PARP8: variants seen among roughly 807,000 people sequenced by gnomAD.
PARP8 encodes the protein protein mono-ADP-ribosyltransferase PARP8.
Under a neutral mutation model 124.1 loss-of-function variants are expected in PARP8, and 51 were observed. The observed-to-expected ratio is 0.41, with a 90% CI of 0.33 to 0.52. PARP8 has a LOEUF of 0.52. Among genes scored for constraint, PARP8 ranks in the 20% least tolerant of loss-of-function variants. PARP8 has a pLI of 0.21. For synonymous variants in PARP8, 391 were observed against 361.5 expected, an observed-to-expected ratio of 1.08 and a Z score of -0.93; for missense variants, 860 against 1,018.9, an observed-to-expected ratio of 0.84 and a Z score of 2.12.
intron 2 of PARP8, among the ~76,000 whole-genome samples, chr5:50,682,436 T>TA (rs1751395007): frequency 6.7e-6 from 1 of 149,362 alleles, no homozygotes; most frequent in South Asian, 2.1e-4. Context: ...AATCACTTAA[T>TA]ATTTTCAGTT....
intron 14 of PARP8, among the ~76,000 whole-genome samples, chr5:50,812,775 G>A (rs553091271): frequency 6.6e-6 from 1 of 152,142 alleles, no homozygotes; most frequent in Non-Finnish European, 1.5e-5. Context: ...TTTGTATAAG[G>A]TGTAAGGAAG....
chr5:50,804,442 A>G (rs1743593508), intron 14 of PARP8, among the ~76,000 whole-genome samples: 1 of 152,108 alleles, frequency 6.6e-6, no homozygotes, highest in South Asian at 2.1e-4. Context: ...CCCTTTTCCC[A>G]TTTGCCCCAA....
chr5:50,752,520 C>T (rs371945142), intron 3 of PARP8, among the ~76,000 whole-genome samples: 3 of 151,894 alleles, frequency 2.0e-5, no homozygotes, highest in Non-Finnish European at 2.9e-5. Flanking sequence ...GTATTTGGTC[C>T]GTAATTGTAA....
intron 3 of PARP8, chr5:50,757,234 A>G: frequency 2.2e-6 from 1 of 453,318 alleles, no homozygotes. Context: ...GAAGAAATAG[A>G]TAAATTCCTA....
intron 2 of PARP8, among the ~76,000 whole-genome samples, chr5:50,728,048 C>T (rs774558769): frequency 2.0e-5 from 3 of 152,058 alleles, no homozygotes; most frequent in Non-Finnish European, 4.4e-5. Context: ...GTGTGAGTTC[C>T]AACTACTAAT....
intron 3 of PARP8, among the ~76,000 whole-genome samples, chr5:50,751,188 G>C (rs1005803102): frequency 2.6e-5 from 4 of 152,090 alleles, no homozygotes; most frequent in Non-Finnish European, 5.9e-5. Context: ...CAGGATGTAT[G>C]GTAGAAGATG....
chr5:50,795,973 G>A (rs958075162), intron 12 of PARP8, among the ~76,000 whole-genome samples: 1 of 152,142 alleles, frequency 6.6e-6, no homozygotes, highest in African/African-American at 2.4e-5. Context: ...TTATGCTGTA[G>A]CCGTTTTTGG....
intron 14 of PARP8, among the ~76,000 whole-genome samples, chr5:50,807,984 G>A (rs16877029): frequency 0.21 from 31,262 of 151,804 alleles, 3,389 homozygotes; most frequent in South Asian, 0.33. Flanking sequence ...CTGAAGCAAA[G>A]CCAACTGAGA....
At chr5:50,822,832 G>A (rs1186414016) in intron 17 of PARP8, among the ~76,000 whole-genome samples, 2 of 152,174 alleles carry the variant, frequency 1.3e-5, no homozygotes, top group Non-Finnish European at 1.5e-5. Flanking sequence ...CACTTTGGAA[G>A]ATGCCAGGCT....
At chr5:50,787,713 A>C (rs1741421990) in intron 9 of PARP8, among the ~76,000 whole-genome samples, 1 of 152,044 alleles carries the variant, frequency 6.6e-6, no homozygotes, top group Non-Finnish European at 1.5e-5. Context: ...ATAATGAAAA[A>C]TGAGCGACTT....
At chr5:50,757,325 A>G (rs1760076723) in intron 3 of PARP8, 1 of 335,558 alleles carries the variant, frequency 3.0e-6, no homozygotes, top group Non-Finnish European at 6.0e-6. Context: ...AAAATCTTCC[A>G]AAAAGAGAAC....
intron 1 of PARP8, 124 bp downstream of exon 1, chr5:50,667,310 CA>C (rs1749403978): frequency 9.8e-7 from 1 of 1,018,154 alleles, no homozygotes; most frequent in African/African-American, 1.6e-5. Context: ...CATTTGGCAA[CA>C]GCTGCTGCAA....
chr5:50,833,930 A>G, intron 23 of PARP8, 49 bp from the exon 24 acceptor site: 1 of 1,504,552 alleles, frequency 6.6e-7, no homozygotes, highest in Non-Finnish European at 9.2e-7. Flanking sequence ...AGCTTTTTTC[A>G]CAAAGTGTTT....
chr5:50,756,160 G>A (rs536039227), intron 3 of PARP8, among the ~76,000 whole-genome samples: 3 of 152,150 alleles, frequency 2.0e-5, no homozygotes, highest in Admixed American at 2.0e-4. Flanking sequence ...TTTGCTAATT[G>A]AATACCCTTT....
intron 17 of PARP8, 54 bp from the exon 18 acceptor site, chr5:50,824,854 A>G: frequency 6.7e-7 from 1 of 1,495,076 alleles, no homozygotes. Flanking sequence ...CTTTTGTGAA[A>G]ACGGAAAAAT....
intron 9 of PARP8, among the ~76,000 whole-genome samples, chr5:50,782,562 C>A (rs1489707444): frequency 1.3e-5 from 2 of 152,070 alleles, no homozygotes; most frequent in Non-Finnish European, 2.9e-5. Flanking sequence ...TTATTGCTAG[C>A]AAATAAAAAA....
rs1355352118 is a variant in PARP8 at position 50,667,429 on chromosome 5, G to C, written c.91+243G>C. Reference sequence around the variant, plus strand: ...CTTTGAGGGCAGAGCCCGCGTGGCCGGAGCGGGGGTCTAGGCGAAGGGGCA... The same window carrying C: ...CTTTGAGGGCAGAGCCCGCGTGGCCCGAGCGGGGGTCTAGGCGAAGGGGCA... On this transcript the variant is annotated intron_variant, in intron 1 of 25. Coordinates refer to ENST00000281631, the MANE Select transcript of PARP8 (RefSeq NM_024615.4). 6 of 701,290 alleles carry C rather than the reference G, an allele frequency of 8.6e-6. No individual in the cohort carries two copies. The East Asian group carries it at 1.6e-4, about 19-fold the overall frequency. The allele number at this position is 701,290 out of a possible 1,614,324, so 43.4% of individuals were successfully genotyped here. A position where few individuals can be genotyped will look rare whatever the true frequency, so the allele number is the denominator to read the frequency against.
intron 2 of PARP8, among the ~76,000 whole-genome samples, chr5:50,705,874 T>C (rs1318990033): frequency 6.6e-6 from 1 of 152,192 alleles, no homozygotes; most frequent in African/African-American, 2.4e-5. Flanking sequence ...TTGCCTGCAT[T>C]TCATTGATAC....
chr5:50,810,839 T>C (rs898422066), intron 14 of PARP8, among the ~76,000 whole-genome samples: 1 of 152,096 alleles, frequency 6.6e-6, no homozygotes, highest in Non-Finnish European at 1.5e-5. Context: ...AATCATTATT[T>C]TAAGAATTTA....
Sources: gnomAD v4.1 joint callset for allele counts (sites outside exome capture counted in the v4.1 genomes callset) on GRCh38, gnomAD v4.1.1 for gene constraint, MANE v1.5 for transcripts, NCBI Gene and HGNC (gene_info 2026-07-23, HGNC 2026-07-21) for gene names.